Variants in VIT observed in about 807,000 individuals in gnomAD.
VIT encodes vitrin.
VIT carries 99 observed loss-of-function variants against 78.0 expected under a neutral mutation model. The observed-to-expected ratio is 1.27, with a 90% CI of 1.08 to 1.50. The LOEUF (loss-of-function observed/expected upper bound fraction) is 1.50, where lower values mean the gene tolerates loss of function less well. VIT is among the 40% of genes most tolerant of loss of function. The probability of loss-of-function intolerance (pLI) is 0.00; values close to 1 mark genes in which losing one functional copy is unlikely to be tolerated. For synonymous variants in VIT, 374 were observed against 334.3 expected (o/e 1.12, Z -1.29); for missense variants, 1,126 against 875.3 (o/e 1.29, Z -3.61).
intron 3 of VIT, among the ~76,000 whole-genome samples, chr2:36,735,736 C>A (rs1183692451): frequency 6.6e-6 from 1 of 152,216 alleles, no homozygotes; most frequent in Non-Finnish European, 1.5e-5. Flanking sequence ...TGGCCACTCC[C>A]ACCTTCCCAG....
At chr2:36,754,701 T>C (rs1668658351) in intron 4 of VIT, among the ~76,000 whole-genome samples, 1 of 152,168 alleles carries the variant, frequency 6.6e-6, no homozygotes, top group Non-Finnish European at 1.5e-5. Context: ...AATCAGCTCC[T>C]ATAAGAAGAA....
chr2:36,700,699 G>A (rs1467568605), intron 1 of VIT, among the ~76,000 whole-genome samples: 3 of 152,012 alleles, frequency 2.0e-5, no homozygotes, highest in African/African-American at 7.3e-5. Flanking sequence ...CTATGATCAT[G>A]CACTCCAGCC....
intron 8 of VIT, 40 bp downstream of exon 8, chr2:36,773,887 T>C (rs1669904928): frequency 1.3e-6 from 2 of 1,563,726 alleles, no homozygotes; most frequent in Non-Finnish European, 1.7e-6. Flanking sequence ...TGATGAAAGT[T>C]AAGCTTGTTT....
At chr2:36,784,114 G>A (rs1045961784) in intron 11 of VIT, among the ~76,000 whole-genome samples, 4 of 152,170 alleles carry the variant, frequency 2.6e-5, no homozygotes, top group Admixed American at 6.5e-5. Flanking sequence ...AACACTAGGT[G>A]GAGGAGAAAC....
chr2:36,789,483 G>T (rs950350892), intron 12 of VIT, among the ~76,000 whole-genome samples: 3 of 152,186 alleles, frequency 2.0e-5, no homozygotes, highest in Admixed American at 2.0e-4. Flanking sequence ...TTGCACAGCG[G>T]TGATACAACC....
At chr2:36,707,732 G>A (rs961082960) in intron 1 of VIT, among the ~76,000 whole-genome samples, 13 of 152,048 alleles carry the variant, frequency 8.5e-5, no homozygotes, top group African/African-American at 2.4e-4. Flanking sequence ...TCCAGTCCAC[G>A]TAGCCTGACT....
At chr2:36,798,584 G>A (rs932067444) in intron 12 of VIT, among the ~76,000 whole-genome samples, 3 of 151,938 alleles carry the variant, frequency 2.0e-5, no homozygotes, top group Non-Finnish European at 4.4e-5. Context: ...GTGAAACCCC[G>A]TCTCTATTAA....
At chr2:36,710,135 G>T (rs961265423) in intron 1 of VIT, among the ~76,000 whole-genome samples, 32 of 152,182 alleles carry the variant, frequency 2.1e-4, no homozygotes, top group African/African-American at 7.2e-4. Flanking sequence ...TTGAATCACT[G>T]CTAAATTTGG....
intron 6 of VIT, among the ~76,000 whole-genome samples, chr2:36,760,524 G>T (rs1319939345): frequency 6.6e-6 from 1 of 152,090 alleles, no homozygotes; most frequent in East Asian, 1.9e-4. Context: ...CTGGTGCCTC[G>T]TGGGCCATTT....
chr2:36,704,688 C>A (rs999811090), intron 1 of VIT, among the ~76,000 whole-genome samples: 14 of 152,244 alleles, frequency 9.2e-5, no homozygotes, highest in Non-Finnish European at 1.9e-4. Context: ...ACACCATCCT[C>A]CACACCCTCC....
chr2:36,739,164 ATTC>A (rs771803620), intron 3 of VIT, among the ~76,000 whole-genome samples: 6 of 151,366 alleles, frequency 4.0e-5, no homozygotes, highest in African/African-American at 7.3e-5. Context: ...TTATGTTATA[ATTC>A]TTCTTCATTA....
At position 36,790,238 on chromosome 2, in the gene VIT, T is replaced by C. The variant is rs371769381; in HGVS notation, c.1058+2962T>C. On this transcript the variant is annotated intron_variant, in intron 12 of 15. Transcript: ENST00000379242. ...TCCAGGTAGCCCAGGTGAAGGGAGATTCGTGGAAAGGAAAGTGTTCACAGG... is the reference window on the plus strand; with the variant it reads ...TCCAGGTAGCCCAGGTGAAGGGAGACTCGTGGAAAGGAAAGTGTTCACAGG... Among the ~76,000 whole-genome samples the C allele has an allele frequency of 1.3e-4, 20 of 152,130 alleles. No homozygotes were observed. In the East Asian group the frequency reaches 1.7e-3, roughly 13 times the overall value.
At chr2:36,774,279 C>T (rs1221731018) in intron 8 of VIT, among the ~76,000 whole-genome samples, 2 of 152,062 alleles carry the variant, frequency 1.3e-5, no homozygotes, top group African/African-American at 4.8e-5. Flanking sequence ...TCTCTCTCCC[C>T]GGGAGTTCAC....
At chr2:36,775,120 A>G (rs1429102429) in intron 9 of VIT, 53 bp downstream of exon 9, 3 of 1,603,198 alleles carry the variant, frequency 1.9e-6, no homozygotes, top group Non-Finnish European at 2.6e-6. Context: ...GCTCTGTGGC[A>G]CTTTGCAAAC....
intron 1 of VIT, among the ~76,000 whole-genome samples, chr2:36,698,193 C>T (rs907286075): frequency 1.3e-5 from 2 of 152,082 alleles, no homozygotes; most frequent in South Asian, 4.2e-4. Flanking sequence ...GACTAAGCTT[C>T]ATTTAAATAT....
At position 36,808,802 on chromosome 2, in the gene VIT, C is replaced by A. The variant is rs2072525; in HGVS notation, c.1720C>A (p.Leu574Ile). Residue 574 changes from leucine (L) to isoleucine (I), a missense_variant, in exon 15 of 16, where the codon CTC becomes ATC. By Grantham distance (5) the Leu-to-Ile change is conservative. Transcript: ENST00000379242. The stretch of plus-strand genomic sequence containing the variant: ...CAAGTACAGCAGCAAGCCTGACATC[C>A]TCAACGCCATCAAGAGGGTGGGCTA... ...FDKYSSKPDILNAIKRVGYWS... is the reference protein window; with the variant it reads ...FDKYSSKPDIINAIKRVGYWS... The A allele has an allele frequency of 0.018, 29,546 of 1,614,156 alleles. 1,873 individuals carry two copies. The highest frequency in any genetic ancestry group is 0.18 in the East Asian group (7,959 of 44,868).
At chr2:36,746,500 T>C (rs1163554013) in intron 4 of VIT, among the ~76,000 whole-genome samples, 1 of 151,846 alleles carries the variant, frequency 6.6e-6, no homozygotes, top group Non-Finnish European at 1.5e-5. Flanking sequence ...GCGGTCTGTT[T>C]AGGATTTTCT....
chr2:36,755,598 C>G (rs1305794122), intron 5 of VIT, among the ~76,000 whole-genome samples: 1 of 152,190 alleles, frequency 6.6e-6, no homozygotes, highest in Non-Finnish European at 1.5e-5. Context: ...TAGGGTAATG[C>G]TTTAACATGC....
chr2:36,710,773 T>A (rs1375604541), intron 1 of VIT, among the ~76,000 whole-genome samples: 4 of 152,244 alleles, frequency 2.6e-5, no homozygotes, highest in Non-Finnish European at 5.9e-5. Flanking sequence ...TTTCATTGTA[T>A]GGATAAACCA....
Sources: gnomAD v4.1 joint callset for allele counts (sites outside exome capture counted in the v4.1 genomes callset) on GRCh38, gnomAD v4.1.1 for gene constraint, MANE v1.5 for transcripts, NCBI Gene and HGNC (gene_info 2026-07-23, HGNC 2026-07-21) for gene names.